The following TET1 variants were observed in gnomAD, a reference collection of about 807,000 sequenced individuals.
The protein encoded by TET1 is tet methylcytosine dioxygenase 1.
TET1 carries 13 observed loss-of-function variants against 148.7 expected under a neutral mutation model. That is an observed-to-expected ratio of 0.09 (90% confidence interval 0.06 to 0.14). The LOEUF is 0.14. TET1 is among the 10% of genes least tolerant of loss of function. TET1 has a pLI of 1.00. For synonymous variants in TET1, 907 were observed against 937.2 expected (o/e 0.97, Z 0.59); for missense variants, 2,182 against 2,553.8 (o/e 0.85, Z 3.14).
intron 8 of TET1, among the ~76,000 whole-genome samples, chr10:68,676,256 A>G (rs1461874517): frequency 0.1 from 4,063 of 40,144 alleles, 292 homozygotes; most frequent in South Asian, 0.16. Flanking sequence ...ATATATATAT[A>G]TATATATATA....
At chr10:68,684,926 T>G (rs1444074713) in intron 10 of TET1, among the ~76,000 whole-genome samples, 1 of 152,168 alleles carries the variant, frequency 6.6e-6, no homozygotes, top group Non-Finnish European at 1.5e-5. Context: ...TGACTATTAT[T>G]AGTTATGAAC....
Position 68,691,217 on chromosome 10 carries a change from G to A in TET1, c.5814G>A (p.Gln1938=). ...TGACTGAGCCGCTAACGCCTCATCA[G>A]CCAAACCACCAGCCCTCCTTCCTCA... ...TGVTEPLTPH[Q]PNHQPSFLTS... The change falls in exon 12 of 12, where the codon CAG becomes CAA. Residue 1938 remains glutamine (Q), a synonymous_variant. Coordinates refer to ENST00000373644, the MANE Select transcript of TET1 (RefSeq NM_030625.3). This position sits in a 1 kb window ranked among gnomAD's most constrained non-coding sequence, Gnocchi z 4.4. 6.2e-7 allele frequency: 1 copy of A among 1,614,118 alleles called. No individual in the cohort carries two copies. Among genetic ancestry groups the A allele is most frequent in the South Asian group, 1.1e-5 (1 of 91,078 alleles).
intron 10 of TET1, among the ~76,000 whole-genome samples, chr10:68,685,543 A>C (rs907914960): frequency 3.9e-5 from 6 of 152,266 alleles, no homozygotes; most frequent in Admixed American, 6.5e-5. Flanking sequence ...CACTTGAGGA[A>C]AATTAATTAC....
At chr10:68,582,543 C>T (rs929105600) in intron 2 of TET1, among the ~76,000 whole-genome samples, 1 of 152,194 alleles carries the variant, frequency 6.6e-6, no homozygotes, top group Non-Finnish European at 1.5e-5. Flanking sequence ...TAATATGATA[C>T]AAATTGAACG....
chr10:68,637,334 G>A (rs1250457274), intron 3 of TET1, among the ~76,000 whole-genome samples: 1 of 152,020 alleles, frequency 6.6e-6, no homozygotes, highest in African/African-American at 2.4e-5. Flanking sequence ...ATTGATGGCT[G>A]AAATTCTGAA....
rs752293906 is a variant in TET1 at position 68,686,430 on chromosome 10, T to G, written c.5127T>G (p.Pro1709=). Residue 1709 remains proline, a synonymous_variant, in exon 11 of 12, where the codon CCT becomes CCG. Coordinates refer to ENST00000373644, the MANE Select transcript of TET1 (RefSeq NM_030625.3). The part of the protein sequence containing the change: ...IPQDEQLHVL[P]LYKLSDTDEF... ...AAGATGAGCAGCTCCATGTGCTACC[T>G]CTTTATAAGCTTTCAGACACAGATG... 2 of 1,614,150 alleles carry G rather than the reference T, an allele frequency of 1.2e-6. No homozygotes were observed. Among genetic ancestry groups the G allele is most frequent in the Non-Finnish European group, 1.7e-6 (2 of 1,180,030 alleles).
chr10:68,580,436 C>T (rs2053781068), intron 2 of TET1, among the ~76,000 whole-genome samples: 1 of 148,840 alleles, frequency 6.7e-6, no homozygotes, highest in Non-Finnish European at 1.5e-5. Flanking sequence ...TCACCCACCT[C>T]AGCCTCCCAG....
At chr10:68,655,075 G>A (rs2055002326) in intron 6 of TET1, among the ~76,000 whole-genome samples, 1 of 152,162 alleles carries the variant, frequency 6.6e-6, no homozygotes. Flanking sequence ...GAGGCCAGGA[G>A]TTCAAGGTCA....
intron 6 of TET1, 120 bp downstream of exon 6, chr10:68,652,714 A>G: frequency 1.4e-6 from 1 of 703,184 alleles, no homozygotes; most frequent in Non-Finnish European, 2.2e-6. Context: ...TTAATTTTTG[A>G]GACAGGCTTT....
At chr10:68,616,918 A>G (rs1340015817) in intron 3 of TET1, among the ~76,000 whole-genome samples, 1 of 147,284 alleles carries the variant, frequency 6.8e-6, no homozygotes, top group Non-Finnish European at 1.5e-5. Flanking sequence ...TGTGTTAGCC[A>G]GGATGGTCTC....
chr10:68,577,919 C>A (rs1017059460), intron 2 of TET1, among the ~76,000 whole-genome samples: 2 of 151,786 alleles, frequency 1.3e-5, no homozygotes, highest in African/African-American at 4.8e-5. Flanking sequence ...TTCAAGGCTG[C>A]AGTTAGCTAT....
At chr10:68,659,772 T>C (rs760560534) in intron 6 of TET1, among the ~76,000 whole-genome samples, 3 of 152,184 alleles carry the variant, frequency 2.0e-5, no homozygotes, top group Non-Finnish European at 4.4e-5. Flanking sequence ...CAGAAAAGTA[T>C]ACATACCATA....
intron 3 of TET1, among the ~76,000 whole-genome samples, chr10:68,626,452 C>T (rs2133002523): frequency 6.6e-6 from 1 of 151,450 alleles, no homozygotes; most frequent in East Asian, 2.0e-4. Context: ...CCTCCTGCCT[C>T]AGCCTCCGAA....
chr10:68,567,359 AGT>A (rs1264847060), intron 1 of TET1, among the ~76,000 whole-genome samples: 3 of 152,114 alleles, frequency 2.0e-5, no homozygotes, highest in African/African-American at 7.2e-5. Flanking sequence ...TAGGTCAGTC[AGT>A]AATTTTTAAA....
intron 3 of TET1, among the ~76,000 whole-genome samples, chr10:68,620,543 T>C (rs1226312951): frequency 6.6e-6 from 1 of 152,162 alleles, no homozygotes; most frequent in East Asian, 1.9e-4. Flanking sequence ...CTCATTTTCT[T>C]TCTATATCCT....
At chr10:68,586,002 C>CA (rs36101307) in intron 2 of TET1, among the ~76,000 whole-genome samples, 19,711 of 132,100 alleles carry the variant, frequency 0.15, 1,609 homozygotes, top group South Asian at 0.23. Flanking sequence ...GACTCCATCT[C>CA]AAAAAAAAAA....
chr10:68,594,980 CAAAAAAAAA>C (rs71019034), intron 2 of TET1, among the ~76,000 whole-genome samples: 2 of 108,842 alleles, frequency 1.8e-5, no homozygotes. Context: ...GACACCATCT[CAAAAAAAAA>C]AAAAAAAGAA....
At chr10:68,681,572 T>C in intron 9 of TET1, 84 bp downstream of exon 9, 2 of 848,278 alleles carry the variant, frequency 2.4e-6, no homozygotes, top group Non-Finnish European at 3.7e-6. Flanking sequence ...TACAGTGGCA[T>C]GATCAAAGCT....
Position 68,622,984 on chromosome 10 carries a change from A to G in TET1, c.1969-21714A>G, listed in dbSNP as rs183301992. Among the ~76,000 whole-genome samples, 144 of 152,286 alleles carry G rather than the reference A, an allele frequency of 9.5e-4. No homozygotes were observed. The Middle Eastern group carries it at 0.017, about 18-fold the overall frequency. On this transcript the variant is annotated intron_variant, in intron 3 of 11. Transcript: ENST00000373644. ...TGCCCTGCTGTGTATCATGTCAGAA[A>G]ATCACATTATCTGGGTTAACTTTGA...
Sources: gnomAD v4.1 joint callset for allele counts (sites outside exome capture counted in the v4.1 genomes callset) on GRCh38, gnomAD v4.1.1 for gene constraint, Gnocchi (gnomAD v3.1) non-coding constraint, MANE v1.5 for transcripts, NCBI Gene and HGNC (gene_info 2026-07-23, HGNC 2026-07-21) for gene names.